Variants in DIO2 observed in about 807,000 individuals in gnomAD.
DIO2 encodes the protein iodothyronine deiodinase 2, also known as type II iodothyronine deiodinase.
In DIO2, 19 loss-of-function variants were observed where a neutral mutation model predicts 21.4. The ratio of observed to expected loss-of-function variants is 0.89; its 90% confidence interval spans 0.62 to 1.30. The LOEUF is 1.30. Among genes scored for constraint, DIO2 ranks in the 50% most tolerant of loss-of-function variants. The pLI is 0.00. For synonymous variants in DIO2, 122 were observed against 132.9 expected (o/e 0.92, Z 0.57); for missense variants, 302 against 338.1 (o/e 0.89, Z 0.84).
In DIO2 at chr14:80,219,075, T is replaced by C. The variant is rs532682640; in HGVS notation, c.-277-2338A>G. ...ATTTAAATCATCCTACAAAGAAATGTTTCCCTACTGTCCTGGGACCTGAAA... is the reference window on the plus strand; with the variant it reads ...ATTTAAATCATCCTACAAAGAAATGCTTCCCTACTGTCCTGGGACCTGAAA... On this transcript the variant is annotated intron_variant, in intron 2 of 4. Coordinates refer to the DIO2 transcript ENST00000553594. 1.1e-4 allele frequency among the ~76,000 whole-genome samples: 17 copies of C among 152,300 alleles called. 1 individual carries two copies. The South Asian group carries it at 3.3e-3, about 30-fold the overall frequency.
At chr14:80,225,108 G>T (rs1888545955) in intron 2 of DIO2, among the ~76,000 whole-genome samples, 1 of 152,142 alleles carries the variant, frequency 6.6e-6, no homozygotes, top group Non-Finnish European at 1.5e-5. Flanking sequence ...GTGCCCACCA[G>T]ATTAAGGGTG....
chr14:80,203,311 AG>A lies in DIO2; in HGVS notation c.223-24del, dbSNP rs1422735763. The A allele has an allele frequency of 1.2e-4, 138 of 1,191,892 alleles. No individual in the cohort carries two copies. The African/African-American group carries it at 2.5e-3, about 21-fold the overall frequency. The allele number at this position is 1,191,892 out of a possible 1,614,324, so 73.8% of individuals were successfully genotyped here. A position where few individuals can be genotyped will look rare whatever the true frequency, so the allele number is the denominator to read the frequency against. On this transcript the variant is annotated intron_variant, in intron 1 of 1. Coordinates refer to ENST00000438257, the MANE Select transcript of DIO2 (RefSeq NM_013989.5). Reference sequence around the variant, plus strand: ...CACCTGACGGTAAAAAAAAAAAAAAAGAAGAAGAAGAAGAAGGTGAGAATAT... The same window carrying A: ...CACCTGACGGTAAAAAAAAAAAAAAAAAGAAGAAGAAGAAGGTGAGAATAT...
intron 1 of DIO2, among the ~76,000 whole-genome samples, chr14:80,203,867 G>C (rs544580501): frequency 1.3e-5 from 2 of 152,150 alleles, no homozygotes; most frequent in Non-Finnish European, 2.9e-5. Context: ...CTTATAAGAA[G>C]TGTTACTTCC....
chr14:80,230,752 C>T (rs1256905543), intron 2 of DIO2: 1 of 152,170 alleles, frequency 6.6e-6, no homozygotes, highest in Non-Finnish European at 1.5e-5. Flanking sequence ...AAGCAGCTAA[C>T]TCTAGAAACC....
At position 80,202,567 on chromosome 14, in the gene DIO2, C is replaced by T. The variant is rs1357820973; in HGVS notation, c.*122G>A. 3.8e-6 allele frequency: 4 copies of T among 1,045,154 alleles called. No individual in the cohort carries two copies. Among genetic ancestry groups the T allele is most frequent in the African/African-American group, 3.2e-5 (2 of 62,208 alleles). The allele number at this position is 1,045,154 out of a possible 1,614,324, so 64.7% of individuals were successfully genotyped here. On this transcript the variant is annotated 3_prime_UTR_variant, in exon 2 of 2. Coordinates refer to ENST00000438257, the MANE Select transcript of DIO2 (RefSeq NM_013989.5). ...GAGCTGTTAGAGATTCATGTTCTTC[C>T]GATAGATAAACTCCTGTCTTTCAGT...
chr14:80,205,151 G>A (rs987446118), intron 1 of DIO2, among the ~76,000 whole-genome samples: 2 of 152,100 alleles, frequency 1.3e-5, no homozygotes, highest in East Asian at 1.9e-4. Context: ...TTAAAGATAT[G>A]TTGAAGGTAT....
intron 1 of DIO2, among the ~76,000 whole-genome samples, chr14:80,207,800 G>A (rs1888007255): frequency 1.3e-5 from 2 of 152,150 alleles, no homozygotes; most frequent in Non-Finnish European, 2.9e-5. Flanking sequence ...GTAGCTCTAA[G>A]CTCTATCATT....
intron 2 of DIO2, among the ~76,000 whole-genome samples, chr14:80,230,266 A>G (rs1193281901): frequency 6.6e-6 from 1 of 152,154 alleles, no homozygotes; most frequent in Non-Finnish European, 1.5e-5. Flanking sequence ...TCAGGGTCCC[A>G]TTCTTTTCCA....
intron 2 of DIO2, among the ~76,000 whole-genome samples, chr14:80,220,167 C>T (rs1888438266): frequency 6.6e-6 from 1 of 152,038 alleles, no homozygotes; most frequent in South Asian, 2.1e-4. Flanking sequence ...CTCAGCCTCC[C>T]GTGTTCACGC....
Position 80,202,746 on chromosome 14 carries a change from C to T in DIO2, c.765G>A (p.Arg255=), listed in dbSNP as rs1340627924. The change falls in exon 2 of 2, where the codon CGG becomes CGA. Residue 255 remains arginine (R), a synonymous_variant. Transcript: ENST00000438257. ...GPFSYNLQEV[R]HWLEKNFSKR... ...TGCTGAAATTCTTCTCCAGCCAATGCCGGACTTCTTGAAGGTTGTAGGAGA... is the reference window on the plus strand; with the variant it reads ...TGCTGAAATTCTTCTCCAGCCAATGTCGGACTTCTTGAAGGTTGTAGGAGA... 1 of 1,613,924 alleles carries T rather than the reference C, an allele frequency of 6.2e-7. No individual in the cohort carries two copies. The highest frequency in any genetic ancestry group is 1.7e-5 in the Admixed American group (1 of 60,012).
At chr14:80,214,453 TG>T (rs1888302721), upstream of DIO2, among the ~76,000 whole-genome samples, 2 of 152,226 alleles carry the variant, frequency 1.3e-5, no homozygotes, top group Non-Finnish European at 2.9e-5. Flanking sequence ...AGGACTCTGT[TG>T]GGGGCTTTTG....
intron 2 of DIO2, among the ~76,000 whole-genome samples, chr14:80,223,546 G>A (rs534832769): frequency 1.3e-5 from 2 of 152,226 alleles, no homozygotes; most frequent in African/African-American, 2.4e-5. Flanking sequence ...AACCAGGGAT[G>A]GACTCAACAA....
intron 1 of DIO2, among the ~76,000 whole-genome samples, chr14:80,206,018 A>G (rs781756554): frequency 7.2e-5 from 11 of 152,162 alleles, no homozygotes; most frequent in Admixed American, 1.3e-4. Flanking sequence ...TCAGCACTCA[A>G]TGTTATTGAT....
upstream of DIO2, among the ~76,000 whole-genome samples, chr14:80,212,336 C>CTT (rs58062120): frequency 1.9e-4 from 28 of 148,056 alleles, no homozygotes; most frequent in Admixed American, 1.7e-3. Context: ...AACTCGACAA[C>CTT]TTTTTTTTTT....
At chr14:80,218,361 C>T (rs224995) in intron 2 of DIO2, among the ~76,000 whole-genome samples, 136,169 of 152,226 alleles carry the variant, frequency 0.89, 61,204 homozygotes, top group African/African-American at 0.97. Context: ...TATCTGTAAC[C>T]AGGAACTTTA....
intron 1 of DIO2, among the ~76,000 whole-genome samples, chr14:80,209,908 A>G (rs1594876719): frequency 1.3e-5 from 2 of 152,286 alleles, no homozygotes; most frequent in East Asian, 3.9e-4. Context: ...TAATTTTACA[A>G]GTTACTTCTT....
In DIO2 at chr14:80,199,873, A is replaced by G. The variant is rs1432955857; in HGVS notation, c.*2816T>C. The G allele has an allele frequency of 6.6e-6, 1 of 152,594 alleles. No homozygotes were observed. The highest frequency in any genetic ancestry group is 1.5e-5 in the Non-Finnish European group (1 of 68,036). 9.5% of individuals were successfully genotyped at this position (152,594 alleles called of 1,614,324 possible). On this transcript the variant is annotated 3_prime_UTR_variant, in exon 2 of 2. Transcript: ENST00000438257. ...AAATATATCATAGATTTATACTATGATATATAAATAGATACACATTTCCCT... is the reference window on the plus strand; with the variant it reads ...AAATATATCATAGATTTATACTATGGTATATAAATAGATACACATTTCCCT...
intron 2 of DIO2, among the ~76,000 whole-genome samples, chr14:80,221,308 G>A (rs1430472669): frequency 6.6e-6 from 1 of 152,090 alleles, no homozygotes; most frequent in Admixed American, 6.5e-5. Context: ...CATCTGTCAA[G>A]CTACTAAGAA....
At chr14:80,205,817 T>G in intron 1 of DIO2, 1 of 808,968 alleles carries the variant, frequency 1.2e-6, no homozygotes, top group Non-Finnish European at 1.6e-6. Flanking sequence ...GGATTAGGGT[T>G]AGACTGGGAA....
Sources: allele counts gnomAD v4.1 joint callset (sites outside exome capture counted in the v4.1 genomes callset), GRCh38; gene constraint gnomAD v4.1.1; transcripts MANE v1.5; gene names NCBI Gene and HGNC (gene_info 2026-07-23, HGNC 2026-07-21).